The following ZNF652 variants were observed in gnomAD, a reference collection of about 807,000 sequenced individuals.
ZNF652 encodes the protein zinc finger protein 652.
ZNF652 carries 16 observed loss-of-function variants against 45.2 expected under a neutral mutation model. The observed-to-expected ratio is 0.35, with a 90% confidence interval of 0.24 to 0.54. ZNF652 has a LOEUF of 0.54. Among genes scored for constraint, ZNF652 ranks in the 20% least tolerant of loss-of-function variants. ZNF652 has a pLI of 0.91. For missense variants in ZNF652, 614 were observed against 765.6 expected, an observed-to-expected ratio of 0.80 and a Z score of 2.34; for synonymous variants, 250 against 260.6, an observed-to-expected ratio of 0.96 and a Z score of 0.39.
rs1217201855 is a variant in ZNF652, at chr17:49,313,700, C to T, written c.901-855G>A. On this transcript the variant is annotated intron_variant, in intron 2 of 5. Transcript: ENST00000430262. ...TAGAAAATGCATTTGGAGCCAGGTG[C>T]AGTGGCTCACGCCTATAATCCCAGC... 4.0e-5 allele frequency among the ~76,000 whole-genome samples: 6 copies of T among 151,538 alleles called. No individual in the cohort carries two copies. In the East Asian group the frequency reaches 1.2e-3, roughly 29 times the overall value.
intron 5 of ZNF652, among the ~76,000 whole-genome samples, chr17:49,309,721 A>G (rs2069683310): frequency 6.6e-6 from 1 of 152,048 alleles, no homozygotes; most frequent in African/African-American, 2.4e-5. Flanking sequence ...CAAAGTTATC[A>G]TTTTCTTTTC....
At chr17:49,315,032 G>A (rs1030949698) in intron 2 of ZNF652, among the ~76,000 whole-genome samples, 1 of 128,156 alleles carries the variant, frequency 7.8e-6, no homozygotes, top group Non-Finnish European at 1.6e-5. Flanking sequence ...TTAGGGGAGG[G>A]TTTTAGTTTG....
At chr17:49,319,635 C>G (rs1403849260) in intron 1 of ZNF652, among the ~76,000 whole-genome samples, 3 of 46,234 alleles carry the variant, frequency 6.5e-5, no homozygotes, top group Non-Finnish European at 1.1e-4. Flanking sequence ...GACTCTGTCT[C>G]AAAAAAAAAA....
At chr17:49,326,241 T>TAAAAAA (rs56916451) in intron 1 of ZNF652, among the ~76,000 whole-genome samples, 2 of 94,070 alleles carry the variant, frequency 2.1e-5, no homozygotes, top group Non-Finnish European at 2.1e-5. Context: ...ACCCCATCTC[T>TAAAAAA]AAAAAAAAAA....
rs554230502 is a variant in ZNF652 at position 49,314,964 on chromosome 17, G to A, written c.900+1862C>T. Among the ~76,000 whole-genome samples, 3 of 152,008 alleles carry A rather than the reference G, an allele frequency of 2.0e-5. No homozygotes were observed. The South Asian group carries it at 6.2e-4, about 32-fold the overall frequency. On this transcript the variant is annotated intron_variant, in intron 2 of 5. Transcript: ENST00000430262. The stretch of plus-strand genomic sequence containing the variant: ...GGCTTACTGCAGGATCAATCTCCTG[G>A]GCTCAGGCAACCCTCCCAAAGTGCT...
Position 49,296,010 on chromosome 17 carries a change from T to A in ZNF652, c.*2403A>T, listed in dbSNP as rs1177404052. ...TTAACTAAGCACAGTTTACATCTTT[T>A]AAAAAAATCATTTTAATACTACAGG... On this transcript the variant is annotated 3_prime_UTR_variant, in exon 6 of 6. Coordinates refer to ENST00000430262, the MANE Select transcript of ZNF652 (RefSeq NM_001145365.3). The A allele has an allele frequency of 3.4e-5, 5 of 148,780 alleles. No individual in the cohort carries two copies. The highest frequency in any genetic ancestry group is 2.0e-4 in the Admixed American group (3 of 14,840). The allele number at this position is 148,780 out of a possible 1,614,324, so 9.2% of individuals were successfully genotyped here.
At chr17:49,359,436 C>G (rs1427289107) in intron 1 of ZNF652, among the ~76,000 whole-genome samples, 2 of 152,120 alleles carry the variant, frequency 1.3e-5, no homozygotes, top group African/African-American at 4.8e-5. Context: ...CCCTTGCCTT[C>G]CAAAGTGCCA....
At chr17:49,345,203 C>CA (rs2070191624) in intron 1 of ZNF652, among the ~76,000 whole-genome samples, 1 of 130,908 alleles carries the variant, frequency 7.6e-6, no homozygotes, top group African/African-American at 2.8e-5. Flanking sequence ...CTAGATTTTT[C>CA]TTTTTTTTTT....
At chr17:49,327,524 T>C (rs1269886860) in intron 1 of ZNF652, among the ~76,000 whole-genome samples, 2 of 151,518 alleles carry the variant, frequency 1.3e-5, no homozygotes, top group Admixed American at 6.6e-5. Context: ...GTGTTAGGTA[T>C]TGTAGGAGTT....
intron 5 of ZNF652, among the ~76,000 whole-genome samples, chr17:49,303,016 A>G (rs770124637): frequency 1.3e-5 from 2 of 151,812 alleles, no homozygotes; most frequent in Non-Finnish European, 2.9e-5. Context: ...CCTTTTAAAA[A>G]TATATATACA....
rs534325603 is a variant in ZNF652, at chr17:49,353,362, G to A, written c.-259+8547C>T. On this transcript the variant is annotated intron_variant, in intron 1 of 5. Transcript: ENST00000430262. Reference sequence around the variant, plus strand: ...ATTTTTTGATTTTTTGTAGAGAGAGGTCTGACTATGTTGCTTGGGATGGTC... The same window carrying A: ...ATTTTTTGATTTTTTGTAGAGAGAGATCTGACTATGTTGCTTGGGATGGTC... Among the ~76,000 whole-genome samples the A allele has an allele frequency of 2.0e-5, 3 of 152,138 alleles. No individual in the cohort carries two copies. In the South Asian group the frequency reaches 6.2e-4, roughly 32 times the overall value.
chr17:49,342,514 G>A (rs779581947), intron 1 of ZNF652, among the ~76,000 whole-genome samples: 4 of 129,730 alleles, frequency 3.1e-5, no homozygotes, highest in Non-Finnish European at 6.2e-5. Context: ...TGCAACTTTC[G>A]AGCAAGACTT....
chr17:49,361,528 G>A (rs2070393831), intron 1 of ZNF652, among the ~76,000 whole-genome samples: 1 of 152,222 alleles, frequency 6.6e-6, no homozygotes, highest in African/African-American at 2.4e-5. Context: ...CAAGCCACCA[G>A]CTGCAGGGCA....
chr17:49,314,596 T>G (rs548572858), intron 2 of ZNF652, among the ~76,000 whole-genome samples: 2 of 152,336 alleles, frequency 1.3e-5, no homozygotes, highest in East Asian at 3.8e-4. Flanking sequence ...CACTGCCTAG[T>G]TCCTTGTATC....
At chr17:49,304,817 C>T (rs2069604779) in intron 5 of ZNF652, among the ~76,000 whole-genome samples, 1 of 151,836 alleles carries the variant, frequency 6.6e-6, no homozygotes, top group Non-Finnish European at 1.5e-5. Context: ...TAAACACAAG[C>T]ATTCCAGTCT....
chr17:49,354,328 C>A (rs1209435390), intron 1 of ZNF652, among the ~76,000 whole-genome samples: 1 of 152,044 alleles, frequency 6.6e-6, no homozygotes, highest in African/African-American at 2.4e-5. Context: ...AATGTATCTA[C>A]TTTTAAGAAA....
rs752789434 is a variant in ZNF652, at chr17:49,312,687, G to A, written c.1048+11C>T. 6.2e-7 allele frequency: 1 copy of A among 1,611,302 alleles called. No individual in the cohort carries two copies. Among genetic ancestry groups the A allele is most frequent in the African/African-American group, 1.3e-5 (1 of 74,670 alleles). On this transcript the variant is annotated intron_variant, in intron 3 of 5. Coordinates refer to ENST00000430262, the MANE Select transcript of ZNF652 (RefSeq NM_001145365.3). ...AAATTATAGGTATAAGAGAAAAGCAGAAAAACTTACCAACCATGTGTTTCC... is the reference window on the plus strand; with the variant it reads ...AAATTATAGGTATAAGAGAAAAGCAAAAAAACTTACCAACCATGTGTTTCC...
At position 49,309,284 on chromosome 17, in the gene ZNF652, G is replaced by A. The variant is rs1305621194; in HGVS notation, c.1309+2028C>T. The stretch of plus-strand genomic sequence containing the variant: ...AGGCAGGTGGATCATTTGAGGTCAG[G>A]AGTTCTAGACCAACCTCATCAATAT... On this transcript the variant is annotated intron_variant, in intron 5 of 5. Coordinates refer to ENST00000430262, the MANE Select transcript of ZNF652 (RefSeq NM_001145365.3). Among the ~76,000 whole-genome samples the A allele has an allele frequency of 2.1e-5, 3 of 141,728 alleles. No homozygotes were observed. The East Asian group carries it at 6.2e-4, about 29-fold the overall frequency. The allele number at this position is 141,728 out of a possible 152,430, so 93.0% of individuals were successfully genotyped here.
Position 49,294,879 on chromosome 17 carries a change from C to T in ZNF652, c.*3534G>A, listed in dbSNP as rs2069450862. On this transcript the variant is annotated 3_prime_UTR_variant, in exon 6 of 6. Transcript: ENST00000430262. ...CAAACTTCTCCATAATTCTTTTTTT[C>T]ATAAACAGATAACAAGTAGGTAAAA... is the stretch of plus-strand genomic sequence containing the variant. The T allele has an allele frequency of 6.6e-6, 1 of 152,068 alleles. No homozygotes were observed. Among genetic ancestry groups the T allele is most frequent in the East Asian group, 1.9e-4 (1 of 5,200 alleles). 9.4% of individuals were successfully genotyped at this position (152,068 alleles called of 1,614,324 possible).
Sources: gnomAD v4.1 joint callset for allele counts (sites outside exome capture counted in the v4.1 genomes callset) on GRCh38, gnomAD v4.1.1 for gene constraint, MANE v1.5 for transcripts, NCBI Gene and HGNC (gene_info 2026-07-23, HGNC 2026-07-21) for gene names.